KCNN1: variants seen among roughly 807,000 people sequenced by gnomAD.
KCNN1 encodes the protein small conductance calcium-activated potassium channel protein 1.
KCNN1 carries 20 observed loss-of-function variants against 44.7 expected under a neutral mutation model. That is an observed-to-expected ratio of 0.45 (90% CI 0.32 to 0.65). The LOEUF (loss-of-function observed/expected upper bound fraction) is 0.65, where lower values mean the gene tolerates loss of function less well. KCNN1 is among the 30% of genes least tolerant of loss of function. The probability of loss-of-function intolerance (pLI) is 0.05; values close to 1 mark genes in which losing one functional copy is unlikely to be tolerated. For synonymous variants in KCNN1, 324 were observed against 341.7 expected, an observed-to-expected ratio of 0.95 and a Z score of 0.57; for missense variants, 632 against 785.3, an observed-to-expected ratio of 0.80 and a Z score of 2.33.
chr19:17,975,484 G>A (rs1057470314), intron 3 of KCNN1, among the ~76,000 whole-genome samples: 4 of 149,928 alleles, frequency 2.7e-5, no homozygotes, highest in African/African-American at 9.9e-5. Flanking sequence ...GCAGTGGTGC[G>A]ATATTGGCTC....
At chr19:17,995,532 C>T (rs777535600) in intron 9 of KCNN1, among the ~76,000 whole-genome samples, 47 of 152,026 alleles carry the variant, frequency 3.1e-4, no homozygotes, top group Admixed American at 2.8e-3. Flanking sequence ...AGTTAACTCT[C>T]GAACATGGGG....
intron 1 of KCNN1, among the ~76,000 whole-genome samples, chr19:17,973,054 G>A (rs1015730842): frequency 6.6e-5 from 10 of 152,192 alleles, no homozygotes; most frequent in African/African-American, 2.4e-4. Flanking sequence ...GGTCTGGGGA[G>A]AGTAAGAAGG....
chr19:17,958,798 C>T (rs546888570), intron 2 of KCNN1, among the ~76,000 whole-genome samples: 41 of 146,026 alleles, frequency 2.8e-4, no homozygotes, highest in African/African-American at 7.6e-4. Context: ...CCCAGGTTCA[C>T]GCCACTCTCC....
chr19:17,983,439 G>T lies in KCNN1; in HGVS notation c.917+1312G>T, dbSNP rs2032488531. ...AGGGATGAAAGGCCCAGTTTCTCTGGCTGTTAAGGCTTCCAGGGCTCTCCT... is the reference window on the plus strand; with the variant it reads ...AGGGATGAAAGGCCCAGTTTCTCTGTCTGTTAAGGCTTCCAGGGCTCTCCT... On this transcript the variant is annotated intron_variant, in intron 4 of 9. Coordinates refer to ENST00000684775, the MANE Select transcript of KCNN1 (RefSeq NM_001386974.1). The surrounding 1 kb of genome is among the most constrained non-coding windows in gnomAD (Gnocchi z 4.5). Among the ~76,000 whole-genome samples the T allele has an allele frequency of 6.6e-6, 1 of 152,094 alleles. No homozygotes were observed. Among genetic ancestry groups the T allele is most frequent in the East Asian group, 1.9e-4 (1 of 5,166 alleles).
In KCNN1 at chr19:17,982,066, C is replaced by T. The variant is rs376715013; in HGVS notation, c.856C>T (p.Leu286=). The T allele has an allele frequency of 2.6e-4, 412 of 1,607,552 alleles. No individual in the cohort carries two copies. In the African/African-American group the frequency reaches 4.8e-3, roughly 19 times the overall value. The stretch of plus-strand genomic sequence containing the variant: ...CATGACCATCTGCCCCGGCACCGTG[C>T]TGCTGGTCTTCAGCATCTCCTCCTG... ...TLMTICPGTV[L]LVFSISSWII... is the part of the protein sequence containing the mutation. The change falls in exon 4 of 10, where the codon CTG becomes TTG. Residue 286 remains leucine, a synonymous_variant. Coordinates refer to ENST00000684775, the MANE Select transcript of KCNN1 (RefSeq NM_001386974.1).
chr19:17,975,888 C>G (rs115517154), intron 3 of KCNN1, among the ~76,000 whole-genome samples: 1,602 of 152,106 alleles, frequency 0.011, 23 homozygotes, highest in African/African-American at 0.035. Context: ...TTTGTATTGT[C>G]TTGTCAGTGT....
At chr19:17,952,489 C>T (rs1599984252) in intron 1 of KCNN1, among the ~76,000 whole-genome samples, 2 of 152,160 alleles carry the variant, frequency 1.3e-5, no homozygotes, top group African/African-American at 4.8e-5. Context: ...CAACCCCCGC[C>T]TCCAACACCG....
intron 1 of KCNN1, among the ~76,000 whole-genome samples, chr19:17,952,699 C>T (rs2031443266): frequency 6.6e-6 from 1 of 152,168 alleles, no homozygotes; most frequent in Admixed American, 6.5e-5. Context: ...CTCTCTGTCC[C>T]CTCAGGTTTC....
chr19:17,952,016 G>T, intron 1 of KCNN1, among the ~76,000 whole-genome samples: 1 of 152,204 alleles, frequency 6.6e-6, no homozygotes, highest in Middle Eastern at 3.2e-3. Flanking sequence ...CGTCTTCTAA[G>T]ATTTGCTGTC....
At chr19:17,963,176 C>G (rs1870613903), upstream of KCNN1, among the ~76,000 whole-genome samples, 1 of 151,220 alleles carries the variant, frequency 6.6e-6, no homozygotes, top group Non-Finnish European at 1.5e-5. Context: ...CCACACCCGG[C>G]TAAGTTTTTT....
intron 2 of KCNN1, among the ~76,000 whole-genome samples, chr19:17,959,883 G>A (rs997094940): frequency 6.6e-6 from 1 of 151,742 alleles, no homozygotes; most frequent in African/African-American, 2.4e-5. Flanking sequence ...GGGAGTTTGA[G>A]ACCAGCCTGG....
At chr19:17,992,939 CG>C in intron 7 of KCNN1, 114 bp from the exon 8 acceptor site, 1 of 1,360,774 alleles carries the variant, frequency 7.3e-7, no homozygotes, top group Non-Finnish European at 1.0e-6. Flanking sequence ...GAACCCCGCG[CG>C]GGGCCCTAGG....
At chr19:17,968,597 C>T (rs574849059) in intron 1 of KCNN1, among the ~76,000 whole-genome samples, 2 of 152,114 alleles carry the variant, frequency 1.3e-5, no homozygotes, top group African/African-American at 2.4e-5. Flanking sequence ...GATTCTGTCT[C>T]TTCCCATGTC....
At chr19:17,973,688 C>A in intron 1 of KCNN1, 120 bp from the exon 2 acceptor site, 1 of 1,176,132 alleles carries the variant, frequency 8.5e-7, no homozygotes, top group Non-Finnish European at 1.1e-6. Flanking sequence ...GGTAAACCCA[C>A]GTGTCAGCAC....
At position 17,993,408 on chromosome 19, in the gene KCNN1, T is replaced by G. The variant is rs1022293971; in HGVS notation, c.1308-82T>G. ...TGCATGTCCCATAGGTGACCCCGGG[T>G]GGGTGCATGAAAGTCCCTGCCCCCA... On this transcript the variant is annotated intron_variant, in intron 8 of 9. Coordinates refer to ENST00000684775, the MANE Select transcript of KCNN1 (RefSeq NM_001386974.1). The surrounding 1 kb of genome is among the most constrained non-coding windows in gnomAD (Gnocchi z 4.5). 1 of 1,001,282 alleles carries G rather than the reference T, an allele frequency of 1.0e-6. No individual in the cohort carries two copies. The allele number at this position is 1,001,282 out of a possible 1,614,324, so 62.0% of individuals were successfully genotyped here.
chr19:17,962,353 G>A (rs1247825819), upstream of KCNN1, among the ~76,000 whole-genome samples: 2 of 152,200 alleles, frequency 1.3e-5, no homozygotes, highest in East Asian at 3.8e-4. Flanking sequence ...GAACCGGGAA[G>A]GATCAGGCCC....
At chr19:17,978,821 G>A (rs1274675314) in intron 3 of KCNN1, among the ~76,000 whole-genome samples, 2 of 151,204 alleles carry the variant, frequency 1.3e-5, no homozygotes, top group Non-Finnish European at 2.9e-5. Flanking sequence ...TTGGAAGGCC[G>A]AGGCAGGAGG....
intron 9 of KCNN1, among the ~76,000 whole-genome samples, chr19:17,995,771 A>C (rs974694112): frequency 1.7e-4 from 26 of 151,416 alleles, no homozygotes; most frequent in Admixed American, 5.3e-4. Context: ...TTTTTAGTAG[A>C]GATGGGGTTT....
chr19:17,981,916 C>T lies in KCNN1; in HGVS notation c.706C>T (p.Leu236=), dbSNP rs2032425825. ...CGTGCTGCTGTCCATCCCCATGTTC[C>T]TGCGCCTCTACCTGCTGGGCCGGGT... The part of the protein sequence containing the change: ...VDVLLSIPMF[L]RLYLLGRVML... Residue 236 remains leucine (L), a synonymous_variant, in exon 4 of 10, where the codon CTG becomes TTG. Coordinates refer to ENST00000684775, the MANE Select transcript of KCNN1 (RefSeq NM_001386974.1). 6.2e-7 allele frequency: 1 copy of T among 1,613,298 alleles called. No homozygotes were observed. The highest frequency in any genetic ancestry group is 1.3e-5 in the African/African-American group (1 of 75,042).
Sources: allele counts gnomAD v4.1 joint callset (sites outside exome capture counted in the v4.1 genomes callset), GRCh38; gene constraint gnomAD v4.1.1; non-coding constraint Gnocchi (gnomAD v3.1); transcripts MANE v1.5; gene names NCBI Gene and HGNC (gene_info 2026-07-23, HGNC 2026-07-21).